ZNF705G: variants seen among roughly 807,000 people sequenced by gnomAD.
ZNF705G encodes zinc finger protein 705G, also known as putative zinc finger protein 705G.
In ZNF705G, 23 loss-of-function variants were observed where a neutral mutation model predicts 19.6. The ratio of observed to expected loss-of-function variants is 1.17; its 90% CI spans 0.84 to 1.66. The LOEUF (loss-of-function observed/expected upper bound fraction) is 1.66. Among genes scored for constraint, ZNF705G ranks in the 40% most tolerant of loss-of-function variants. The pLI, the probability that ZNF705G is intolerant of heterozygous loss-of-function variation, is 0.00. For synonymous variants in ZNF705G, 146 were observed against 117.7 expected, an observed-to-expected ratio of 1.24 and a Z score of -1.56; for missense variants, 457 against 354.4, an observed-to-expected ratio of 1.29 and a Z score of -2.32.
chr8:7,362,723 C>T (rs1806660596), intron 3 of ZNF705G, among the ~76,000 whole-genome samples: 1 of 149,400 alleles, frequency 6.7e-6, no homozygotes. Context: ...ACACGATACC[C>T]AACCTAGAGT....
At chr8:7,379,110 A>C (rs1165642263) in intron 2 of ZNF705G, among the ~76,000 whole-genome samples, 232 of 149,012 alleles carry the variant, frequency 1.6e-3, no homozygotes, top group African/African-American at 5.9e-3. Flanking sequence ...AGAGTATAGA[A>C]TCAAGATATT....
At chr8:7,358,996 A>G (rs1284479972) in intron 6 of ZNF705G, among the ~76,000 whole-genome samples, 1 of 149,610 alleles carries the variant, frequency 6.7e-6, no homozygotes. Context: ...CTTATGTAAA[A>G]TGCAGCTTTC....
intron 3 of ZNF705G, 127 bp downstream of exon 3, chr8:7,362,808 T>C: frequency 6.3e-7 from 1 of 1,582,188 alleles, no homozygotes; most frequent in Non-Finnish European, 8.5e-7. Flanking sequence ...GCAGGGTGGA[T>C]TTTACATCAT....
chr8:7,360,742 T>C (rs1413601682), intron 4 of ZNF705G, among the ~76,000 whole-genome samples: 1 of 149,554 alleles, frequency 6.7e-6, no homozygotes, highest in Non-Finnish European at 1.5e-5. Flanking sequence ...TGCTATTGTT[T>C]TCCCTAATTG....
rs1197018585 is a variant in ZNF705G, at chr8:7,363,796, G to T, written c.-71-779C>A. ...AGATCCCACCACTGCACTCCAGCGA[G>T]GGTGACAGAGCGAGACTCTGTCTCA... On this transcript the variant is annotated intron_variant, in intron 2 of 6. Coordinates refer to ENST00000400156, the MANE Select transcript of ZNF705G (RefSeq NM_001164457.3). Among the ~76,000 whole-genome samples, 10 of 149,256 alleles carry T rather than the reference G, an allele frequency of 6.7e-5. 2 individuals carry two copies. Among genetic ancestry groups the T allele is most frequent in the African/African-American group, 2.6e-4 (10 of 38,720 alleles).
At chr8:7,381,950 G>T (rs1444828640) in intron 1 of ZNF705G, among the ~76,000 whole-genome samples, 6 of 152,280 alleles carry the variant, frequency 3.9e-5, no homozygotes, top group Admixed American at 2.0e-4. Flanking sequence ...AAATAATTTT[G>T]GGTAACTAAT....
rs1411147910 is a variant in ZNF705G, at chr8:7,356,389, A to T, written c.*1587T>A. 3 of 149,852 alleles carry T rather than the reference A, an allele frequency of 2.0e-5. No homozygotes were observed. Among genetic ancestry groups the T allele is most frequent in the Non-Finnish European group, 4.4e-5 (3 of 68,248 alleles). The allele number at this position is 149,852 out of a possible 1,614,324, so 9.3% of individuals were successfully genotyped here. On this transcript the variant is annotated 3_prime_UTR_variant, in exon 7 of 7. Coordinates refer to ENST00000400156, the MANE Select transcript of ZNF705G (RefSeq NM_001164457.3). Reference sequence around the variant, plus strand: ...CCAGTTAGAGAGGCTCCAGGGACAAAATTTCAAGAGTCTTCTGAGGGATAG... The same window carrying T: ...CCAGTTAGAGAGGCTCCAGGGACAATATTTCAAGAGTCTTCTGAGGGATAG...
At chr8:7,365,925 C>T (rs1461822867) in intron 2 of ZNF705G, among the ~76,000 whole-genome samples, 1 of 149,320 alleles carries the variant, frequency 6.7e-6, no homozygotes, top group East Asian at 1.9e-4. Context: ...CCTTTCCCTT[C>T]CTTTAATTCA....
intron 2 of ZNF705G, among the ~76,000 whole-genome samples, chr8:7,364,064 C>A (rs574047523): frequency 6.7e-6 from 1 of 149,400 alleles, no homozygotes; most frequent in African/African-American, 2.6e-5. Flanking sequence ...ATTTTACTAA[C>A]GTGGTATCTA....
Position 7,355,757 on chromosome 8 carries a change from C to G in ZNF705G, c.*2219G>C, listed in dbSNP as rs1256571007. The G allele has an allele frequency of 6.7e-6, 1 of 149,490 alleles. No homozygotes were observed. The highest frequency in any genetic ancestry group is 1.5e-5 in the Non-Finnish European group (1 of 68,002). 9.3% of individuals were successfully genotyped at this position (149,490 alleles called of 1,614,324 possible). ...TCAGGAGTACATATAATGTCAGTCA[C>G]AGTTTGTGGGTAAATTACATATTTA... is the stretch of plus-strand genomic sequence containing the variant. On this transcript the variant is annotated 3_prime_UTR_variant, in exon 7 of 7. Transcript: ENST00000400156.
rs369793807 is a variant in ZNF705G at position 7,367,435 on chromosome 8, G to A, written c.-71-4418C>T. On this transcript the variant is annotated intron_variant, in intron 2 of 6. Transcript: ENST00000400156. Reference sequence around the variant, plus strand: ...AACTTCTTGGGCGTGCATGTTAAGAGACAAAAATGGCAAAGCATAATCTTC... The same window carrying A: ...AACTTCTTGGGCGTGCATGTTAAGAAACAAAAATGGCAAAGCATAATCTTC... Among the ~76,000 whole-genome samples, 26 of 149,562 alleles carry A rather than the reference G, an allele frequency of 1.7e-4. No homozygotes were observed. In the East Asian group the frequency reaches 5.0e-3, roughly 29 times the overall value.
chr8:7,382,899 G>A (rs913853639), intron 1 of ZNF705G, among the ~76,000 whole-genome samples: 4 of 147,034 alleles, frequency 2.7e-5, no homozygotes, highest in Non-Finnish European at 5.9e-5. Flanking sequence ...CCTGAGTAGA[G>A]TACATTGTAC....
chr8:7,358,916 G>T (rs1585406859), intron 6 of ZNF705G, among the ~76,000 whole-genome samples: 1 of 149,394 alleles, frequency 6.7e-6, no homozygotes, highest in East Asian at 1.9e-4. Context: ...CTTTACAAGT[G>T]CAGTCATCCC....
chr8:7,368,939 G>A (rs1477794352), intron 2 of ZNF705G, among the ~76,000 whole-genome samples: 1 of 149,668 alleles, frequency 6.7e-6, no homozygotes, highest in Non-Finnish European at 1.5e-5. Flanking sequence ...GCTGATAAAG[G>A]TATACCTGAG....
intron 4 of ZNF705G, 136 bp downstream of exon 4, chr8:7,360,974 C>G (rs1187266744): frequency 4.6e-6 from 7 of 1,525,354 alleles, no homozygotes; most frequent in Non-Finnish European, 6.1e-6. Flanking sequence ...TTAGAGAGTT[C>G]AAACCTTTTT....
chr8:7,364,049 C>G (rs1806733328), intron 2 of ZNF705G, among the ~76,000 whole-genome samples: 1 of 149,460 alleles, frequency 6.7e-6, no homozygotes, highest in African/African-American at 2.6e-5. Context: ...GCAGCTCAAT[C>G]TGATATTTTA....
At chr8:7,382,497 A>G (rs1250154801) in intron 1 of ZNF705G, among the ~76,000 whole-genome samples, 3 of 146,708 alleles carry the variant, frequency 2.0e-5, no homozygotes, top group East Asian at 1.9e-4. Context: ...ATGTCTCTGC[A>G]TCTATCAACT....
rs1187843523 is a variant in ZNF705G, at chr8:7,358,567, G to C, written c.319-7C>G. On this transcript the variant is annotated splice_polypyrimidine_tract_variant and splice_region_variant and intron_variant, in intron 6 of 6. Coordinates refer to ENST00000400156, the MANE Select transcript of ZNF705G (RefSeq NM_001164457.3). ...CCAGAATGAGAGAGTTCTCCTTTGG[G>C]GCAAATATTAAAAGCTCTTAATGGT... The C allele has an allele frequency of 1.2e-6, 2 of 1,606,966 alleles. No homozygotes were observed. Among genetic ancestry groups the C allele is most frequent in the African/African-American group, 2.8e-5 (2 of 70,982 alleles).
chr8:7,357,925 C>G lies in ZNF705G; in HGVS notation c.*51G>C. 6.2e-7 allele frequency: 1 copy of G among 1,603,748 alleles called. No individual in the cohort carries two copies. The highest frequency in any genetic ancestry group is 8.5e-7 in the Non-Finnish European group (1 of 1,178,042). On this transcript the variant is annotated 3_prime_UTR_variant, in exon 7 of 7. Coordinates refer to ENST00000400156, the MANE Select transcript of ZNF705G (RefSeq NM_001164457.3). ...GATTAGTACATTGTCTGAAGGCTTT[C>G]CCACATAAATGGCATTCATATGGCT... is the stretch of plus-strand genomic sequence containing the variant.
Sources: allele counts gnomAD v4.1 joint callset (sites outside exome capture counted in the v4.1 genomes callset), GRCh38; gene constraint gnomAD v4.1.1; transcripts MANE v1.5; gene names NCBI Gene and HGNC (gene_info 2026-07-23, HGNC 2026-07-21).